CNGB3: variants seen among roughly 807,000 people sequenced by gnomAD.
CNGB3 encodes cyclic nucleotide-gated channel beta-3.
Under a neutral mutation model 92.8 loss-of-function variants are expected in CNGB3, and 86 were observed. The ratio of observed to expected loss-of-function variants is 0.93; its 90% CI spans 0.78 to 1.11. The LOEUF is 1.11. Among genes scored for constraint, CNGB3 ranks in the 50% least tolerant of loss-of-function variants. The pLI is 0.00. For missense variants in CNGB3, 1,026 were observed against 956.8 expected (o/e 1.07, Z -0.95); for synonymous variants, 333 against 332.7 (o/e 1.00, Z -0.01).
chr8:86,691,791 C>T (rs1479782209), intron 3 of CNGB3, among the ~76,000 whole-genome samples: 1 of 151,922 alleles, frequency 6.6e-6, no homozygotes, highest in Non-Finnish European at 1.5e-5. Flanking sequence ...GTTTTTGTTT[C>T]TCTAGCTCCT....
chr8:86,658,176 A>G, intron 6 of CNGB3: 1 of 542,218 alleles, frequency 1.8e-6, no homozygotes, highest in Admixed American at 2.4e-5. Context: ...CCACCAGGTG[A>G]GCCAGACACT....
At chr8:86,681,779 A>G (rs1355465014) in intron 3 of CNGB3, among the ~76,000 whole-genome samples, 1 of 152,236 alleles carries the variant, frequency 6.6e-6, no homozygotes, top group Non-Finnish European at 1.5e-5. Context: ...CTCATTGACA[A>G]CACTGAACAC....
intron 12 of CNGB3, among the ~76,000 whole-genome samples, chr8:86,626,602 G>T (rs547228988): frequency 1.3e-5 from 2 of 152,258 alleles, no homozygotes; most frequent in East Asian, 3.9e-4. Context: ...AAAACAAAAA[G>T]GACTGAAGCC....
At chr8:86,668,262 C>CA in intron 4 of CNGB3, 94 bp from the exon 5 acceptor site, 2 of 1,230,090 alleles carry the variant, frequency 1.6e-6, no homozygotes, top group Non-Finnish European at 2.3e-6. Flanking sequence ...CGCATGTTCT[C>CA]ACTCATAAGT....
Position 86,638,936 on chromosome 8 carries a change from C to G in CNGB3, c.1178+4815G>C, listed in dbSNP as rs573649245. 1.3e-3 allele frequency among the ~76,000 whole-genome samples: 197 copies of G among 152,010 alleles called. 5 individuals carry two copies. In the South Asian group the frequency reaches 0.037, roughly 29 times the overall value. On this transcript the variant is annotated intron_variant, in intron 10 of 17. Coordinates refer to ENST00000320005, the MANE Select transcript of CNGB3 (RefSeq NM_019098.5). ...CCTCCCTCTTCCTCTCCCTTTCCCCCCTCCTCCCTTTCCTTCTCTCTCTCT... is the reference window on the plus strand; with the variant it reads ...CCTCCCTCTTCCTCTCCCTTTCCCCGCTCCTCCCTTTCCTTCTCTCTCTCT...
intron 2 of CNGB3, among the ~76,000 whole-genome samples, chr8:86,734,320 A>G (rs1825208964): frequency 6.6e-6 from 1 of 152,146 alleles, no homozygotes; most frequent in Non-Finnish European, 1.5e-5. Context: ...GAATTGTGCT[A>G]GACTTGGAAC....
chr8:86,658,678 C>A, intron 6 of CNGB3: 1 of 374,698 alleles, frequency 2.7e-6, no homozygotes, highest in Non-Finnish European at 5.0e-6. Context: ...TTCAGCTCAC[C>A]CAGCTTCTCG....
chr8:86,601,062 G>C (rs1436255474), intron 15 of CNGB3, among the ~76,000 whole-genome samples: 9 of 152,078 alleles, frequency 5.9e-5, no homozygotes, highest in Non-Finnish European at 1.0e-4. Flanking sequence ...AGAGTAACTA[G>C]TTGTTTTAGG....
At chr8:86,720,365 A>G (rs1824942682) in intron 3 of CNGB3, among the ~76,000 whole-genome samples, 1 of 152,232 alleles carries the variant, frequency 6.6e-6, no homozygotes, top group Non-Finnish European at 1.5e-5. Context: ...TCTCAAAAGA[A>G]GATATACAAA....
chr8:86,627,705 G>A (rs1421724238), intron 12 of CNGB3, among the ~76,000 whole-genome samples: 1 of 152,146 alleles, frequency 6.6e-6, no homozygotes, highest in African/African-American at 2.4e-5. Flanking sequence ...GTAGTATAGT[G>A]GTATAGTTGT....
Position 86,734,629 on chromosome 8 carries a change from A to G in CNGB3, c.211+5026T>C, listed in dbSNP as rs543387086. Among the ~76,000 whole-genome samples the G allele has an allele frequency of 1.1e-4, 16 of 152,292 alleles. No individual in the cohort carries two copies. The East Asian group carries it at 3.1e-3, about 29-fold the overall frequency. Reference sequence around the variant, plus strand: ...TTCCCAGTGATTTAAGAAAGGGAATATTTAAACATTAAAAAAGTCAACATT... The same window carrying G: ...TTCCCAGTGATTTAAGAAAGGGAATGTTTAAACATTAAAAAAGTCAACATT... On this transcript the variant is annotated intron_variant, in intron 2 of 17. Transcript: ENST00000320005.
Position 86,743,582 on chromosome 8 carries a change from C to G in CNGB3, c.46G>C (p.Glu16Gln), listed in dbSNP as rs779511288. ...GAACTTTGTTCATTCTCATTGTTCT[C>G]TCCTATAGGCTTCACCTTGTTGACT... is the stretch of plus-strand genomic sequence containing the variant. ...TKVNKVKPIG[E>Q]NNENEQSSRR... The change falls in exon 1 of 18, where the codon GAG becomes CAG. Residue 16 changes from glutamate (E) to glutamine (Q), a missense_variant. By Grantham distance (29) the Glu-to-Gln change is conservative. Coordinates refer to ENST00000320005, the MANE Select transcript of CNGB3 (RefSeq NM_019098.5). The G allele has an allele frequency of 1.9e-6, 3 of 1,613,898 alleles. No homozygotes were observed. The highest frequency in any genetic ancestry group is 2.7e-5 in the African/African-American group (2 of 74,924).
intron 10 of CNGB3, among the ~76,000 whole-genome samples, chr8:86,633,717 A>G (rs1823008052): frequency 6.6e-6 from 1 of 152,226 alleles, no homozygotes; most frequent in African/African-American, 2.4e-5. Flanking sequence ...TTTTTAAACT[A>G]CTACACTATT....
intron 15 of CNGB3, among the ~76,000 whole-genome samples, chr8:86,600,678 C>T (rs1191445847): frequency 6.7e-6 from 1 of 148,938 alleles, no homozygotes; most frequent in African/African-American, 2.5e-5. Context: ...GGCGCGATCT[C>T]GGCTCACTGC....
chr8:86,600,527 T>C (rs1040586848), intron 15 of CNGB3, among the ~76,000 whole-genome samples: 2 of 152,186 alleles, frequency 1.3e-5, no homozygotes, highest in African/African-American at 4.8e-5. Context: ...GGAGGCATGA[T>C]ACAAGTAAAA....
chr8:86,698,186 T>A (rs1824486705), intron 3 of CNGB3, among the ~76,000 whole-genome samples: 1 of 152,186 alleles, frequency 6.6e-6, no homozygotes, highest in South Asian at 2.1e-4. Flanking sequence ...GAAAATGAAT[T>A]CATTTGTTCA....
At chr8:86,695,825 G>T (rs1824438830) in intron 3 of CNGB3, among the ~76,000 whole-genome samples, 1 of 152,138 alleles carries the variant, frequency 6.6e-6, no homozygotes, top group Admixed American at 6.5e-5. Context: ...AGATTCTGTT[G>T]TCCCATGGAG....
chr8:86,667,056 C>G lies in CNGB3; in HGVS notation c.721G>C (p.Val241Leu), dbSNP rs138320784. The G allele has an allele frequency of 6.2e-7, 1 of 1,613,980 alleles. No individual in the cohort carries two copies. The highest frequency in any genetic ancestry group is 1.3e-5 in the African/African-American group (1 of 75,012). The change falls in exon 6 of 18, where the codon GTC becomes CTC. Residue 241 changes from valine (V) to leucine (L), a missense_variant. Val to Leu is a conservative substitution (Grantham distance 32). Transcript: ENST00000320005. ...TTGTCTGCGGTTTGATATGGGAAGA[C>G]GAGGCGCAGTGGTATAAAACAGCAG... is the stretch of plus-strand genomic sequence containing the variant. ...WNCCFIPLRL[V>L]FPYQTADNIH...
intron 11 of CNGB3, among the ~76,000 whole-genome samples, chr8:86,632,292 C>T (rs971239578): frequency 6.6e-6 from 1 of 151,148 alleles, no homozygotes; most frequent in Non-Finnish European, 1.5e-5. Context: ...ACTAGACTGA[C>T]TTTTTTGAGA....
Sources: gnomAD v4.1 joint callset for allele counts (sites outside exome capture counted in the v4.1 genomes callset) on GRCh38, gnomAD v4.1.1 for gene constraint, MANE v1.5 for transcripts, NCBI Gene and HGNC (gene_info 2026-07-23, HGNC 2026-07-21) for gene names.